The following SPATA6 variants were observed in gnomAD, a reference collection of about 807,000 sequenced individuals.
SPATA6 encodes spermatogenesis associated 6.
A neutral mutation model predicts 65.3 loss-of-function variants in SPATA6; 56 were observed. The ratio of observed to expected loss-of-function variants is 0.86; its 90% CI spans 0.69 to 1.07. SPATA6 has a LOEUF of 1.07. Among genes scored for constraint, SPATA6 ranks in the 50% least tolerant of loss-of-function variants. SPATA6 has a pLI of 0.00. For missense variants in SPATA6, 590 were observed against 594.8 expected, an observed-to-expected ratio of 0.99 and a Z score of 0.08; for synonymous variants, 199 against 213.2, an observed-to-expected ratio of 0.93 and a Z score of 0.58.
At chr1:48,278,762 G>A in the SPATA6 span, among the ~76,000 whole-genome samples, 1 of 152,148 alleles carries the variant, frequency 6.6e-6, no homozygotes, top group Non-Finnish European at 1.5e-5. Context: ...CACTCTGCAG[G>A]ATATTATCCA....
At chr1:48,464,640 T>C (rs1482378420) in intron 1 of SPATA6, among the ~76,000 whole-genome samples, 1 of 152,128 alleles carries the variant, frequency 6.6e-6, no homozygotes, top group Non-Finnish European at 1.5e-5. Context: ...CACAAATTGG[T>C]TAGACATAAA....
At chr1:48,385,283 A>G in intron 9 of SPATA6, 26 bp downstream of exon 9, 1 of 1,578,370 alleles carries the variant, frequency 6.3e-7, no homozygotes, top group Non-Finnish European at 8.6e-7. Context: ...CAGAACAATT[A>G]TTATTCTACA....
intron 11 of SPATA6, among the ~76,000 whole-genome samples, chr1:48,312,571 G>A (rs1343421307): frequency 6.6e-6 from 1 of 152,084 alleles, no homozygotes; most frequent in African/African-American, 2.4e-5. Flanking sequence ...AAAGATCAAA[G>A]GCAGATACAA....
intron 11 of SPATA6, among the ~76,000 whole-genome samples, chr1:48,317,300 G>A (rs1014982639): frequency 9.2e-5 from 14 of 152,126 alleles, no homozygotes; most frequent in African/African-American, 3.4e-4. Context: ...ATGATAGACT[G>A]GATTAAGAAA....
chr1:48,342,632 G>T (rs1406561893), intron 11 of SPATA6, among the ~76,000 whole-genome samples: 1 of 145,574 alleles, frequency 6.9e-6, no homozygotes, highest in African/African-American at 2.5e-5. Context: ...AAAAAAAAAA[G>T]AATAAATATG....
chr1:48,397,379 G>C (rs1308688351), intron 7 of SPATA6, among the ~76,000 whole-genome samples: 1 of 151,598 alleles, frequency 6.6e-6, no homozygotes, highest in Non-Finnish European at 1.5e-5. Flanking sequence ...AAAAAGAAAA[G>C]ATCTTATTCT....
chr1:48,294,021 T>C (rs1644784902), downstream of SPATA6, among the ~76,000 whole-genome samples: 1 of 152,196 alleles, frequency 6.6e-6, no homozygotes, highest in African/African-American at 2.4e-5. Context: ...AATGTTGGAT[T>C]TTCTCTCTTA....
At chr1:48,270,040 T>C in the SPATA6 span, among the ~76,000 whole-genome samples, 1 of 152,076 alleles carries the variant, frequency 6.6e-6, no homozygotes, top group Non-Finnish European at 1.5e-5. Context: ...CTGAATTCTA[T>C]GATATACCAA....
At chr1:48,312,214 G>A (rs539942138) in intron 11 of SPATA6, among the ~76,000 whole-genome samples, 1 of 152,334 alleles carries the variant, frequency 6.6e-6, no homozygotes, top group Middle Eastern at 3.4e-3. Context: ...TTTGAAGAGA[G>A]TAGTGGTTCT....
chr1:48,310,215 A>G (rs1470165387), intron 11 of SPATA6, among the ~76,000 whole-genome samples: 2 of 152,226 alleles, frequency 1.3e-5, no homozygotes, highest in African/African-American at 4.8e-5. Context: ...CTCCAGGGCA[A>G]AGATTTTGCA....
rs372159980 is a variant in SPATA6 at position 48,390,439 on chromosome 1, C to T, written c.868+4828G>A. Among the ~76,000 whole-genome samples the T allele has an allele frequency of 1.0e-3, 156 of 152,174 alleles. 1 individual carries two copies. Among genetic ancestry groups the T allele is most frequent in the African/African-American group, 3.5e-3 (147 of 41,504 alleles). On this transcript the variant is annotated intron_variant, in intron 8 of 12. Coordinates refer to ENST00000371847, the MANE Select transcript of SPATA6 (RefSeq NM_019073.4). ...GTTGGTAGGGGTGGACGATGAAGAGCGGTAGCTTAACAGGTACAAACATAA... is the reference window on the plus strand; with the variant it reads ...GTTGGTAGGGGTGGACGATGAAGAGTGGTAGCTTAACAGGTACAAACATAA...
At chr1:48,342,692 T>C (rs1049286044) in intron 11 of SPATA6, among the ~76,000 whole-genome samples, 2 of 151,800 alleles carry the variant, frequency 1.3e-5, no homozygotes, top group Non-Finnish European at 2.9e-5. Context: ...TTTTGTGAGA[T>C]ATTAGAAGAG....
At chr1:48,424,599 C>G (rs963226907) in intron 3 of SPATA6, among the ~76,000 whole-genome samples, 2 of 152,128 alleles carry the variant, frequency 1.3e-5, no homozygotes, top group Admixed American at 1.3e-4. Context: ...ATTTACATTC[C>G]CAGAAACAGT....
intron 11 of SPATA6, chr1:48,324,963 A>C (rs956011048): frequency 5.8e-4 from 102 of 175,378 alleles, no homozygotes; most frequent in Non-Finnish European, 1.1e-3. Flanking sequence ...AGACCCCACC[A>C]AAAAACAAAA....
rs188938125 is a variant in SPATA6, at chr1:48,412,642, G to C, written c.280+468C>G. 3.9e-4 allele frequency among the ~76,000 whole-genome samples: 59 copies of C among 151,858 alleles called. No homozygotes were observed. The South Asian group carries it at 0.011, about 27-fold the overall frequency. On this transcript the variant is annotated intron_variant, in intron 4 of 12. Transcript: ENST00000371847. The stretch of plus-strand genomic sequence containing the variant: ...ATAGATGAGATTTTTTTTTTGAGAC[G>C]GAGTCTCGCTCTGTCACCCAGGCTG...
At chr1:48,337,380 CAAAG>C (rs902992856) in intron 11 of SPATA6, among the ~76,000 whole-genome samples, 1 of 151,562 alleles carries the variant, frequency 6.6e-6, no homozygotes, top group African/African-American at 2.4e-5. Flanking sequence ...TGTAATCTGA[CAAAG>C]AATACCCACA....
chr1:48,395,385 G>A, intron 7 of SPATA6, 31 bp from the exon 8 acceptor site: 5 of 1,471,076 alleles, frequency 3.4e-6, no homozygotes, highest in Admixed American at 2.3e-5. Context: ...ATGTAAAAGA[G>A]AGTTTAAACA....
intron 1 of SPATA6, among the ~76,000 whole-genome samples, chr1:48,457,073 A>T (rs1246162701): frequency 6.6e-6 from 1 of 151,884 alleles, no homozygotes; most frequent in Non-Finnish European, 1.5e-5. Flanking sequence ...TCTACAGAAA[A>T]AAAAAATTTA....
At chr1:48,428,137 C>T (rs1399483926) in intron 3 of SPATA6, among the ~76,000 whole-genome samples, 1 of 152,112 alleles carries the variant, frequency 6.6e-6, no homozygotes, top group Non-Finnish European at 1.5e-5. Context: ...TAATAGCCTA[C>T]CACTGACCCA....
Sources: allele counts gnomAD v4.1 joint callset (sites outside exome capture counted in the v4.1 genomes callset), GRCh38; gene constraint gnomAD v4.1.1; transcripts MANE v1.5; gene names NCBI Gene and HGNC (gene_info 2026-07-23, HGNC 2026-07-21).